Variants in ETFDH observed in about 807,000 individuals in gnomAD.
The protein encoded by ETFDH is electron transfer flavoprotein-ubiquinone oxidoreductase, mitochondrial.
In ETFDH, 61 loss-of-function variants were observed where a neutral mutation model predicts 73.2. The ratio of observed to expected loss-of-function variants is 0.83; its 90% CI spans 0.68 to 1.03. The LOEUF (loss-of-function observed/expected upper bound fraction) is 1.03. Ranked by LOEUF, ETFDH falls within the 50% of genes least tolerant of loss-of-function variation. The probability of loss-of-function intolerance (pLI) is 0.00; values close to 1 mark genes in which losing one functional copy is unlikely to be tolerated. For synonymous variants in ETFDH, 243 were observed against 253.3 expected, an observed-to-expected ratio of 0.96 and a Z score of 0.39; for missense variants, 685 against 745.0, an observed-to-expected ratio of 0.92 and a Z score of 0.94.
chr4:158,681,450 TAA>T (rs1245631796), intron 2 of ETFDH: 2 of 152,272 alleles, frequency 1.3e-5, no homozygotes, highest in Non-Finnish European at 2.9e-5. Context: ...TACTGTAAGC[TAA>T]GTTTAATTTA....
At chr4:158,697,171 C>T (rs1474971792) in intron 7 of ETFDH, among the ~76,000 whole-genome samples, 6 of 151,894 alleles carry the variant, frequency 4.0e-5, no homozygotes, top group East Asian at 1.9e-4. Context: ...CTTGGCTCAC[C>T]GCAACTTCTG....
chr4:158,707,659 T>C (rs1774664605), intron 12 of ETFDH, among the ~76,000 whole-genome samples: 1 of 152,126 alleles, frequency 6.6e-6, no homozygotes. Context: ...AGTTATCAGA[T>C]TTACTGTCAC....
intron 5 of ETFDH, among the ~76,000 whole-genome samples, chr4:158,689,971 C>A (rs72693393): frequency 6.6e-6 from 1 of 152,038 alleles, no homozygotes; most frequent in Non-Finnish European, 1.5e-5. Flanking sequence ...GCTTTCCTGA[C>A]AGTTTCTCTC....
At chr4:158,673,525 C>A (rs546419348) in intron 1 of ETFDH, among the ~76,000 whole-genome samples, 1 of 152,228 alleles carries the variant, frequency 6.6e-6, no homozygotes, top group Non-Finnish European at 1.5e-5. Context: ...GTGATAGAAT[C>A]ATTAAGTCTA....
intron 1 of ETFDH, among the ~76,000 whole-genome samples, chr4:158,673,020 A>G (rs925025874): frequency 3.3e-5 from 5 of 152,130 alleles, no homozygotes; most frequent in African/African-American, 1.2e-4. Flanking sequence ...TCTAAAATTA[A>G]GGGCTGGGCG....
In ETFDH at chr4:158,680,553, C is replaced by T. The variant is rs773668457; in HGVS notation, c.121C>T (p.Arg41Ter). The T allele has an allele frequency of 8.7e-6, 14 of 1,607,216 alleles. No homozygotes were observed. Among genetic ancestry groups the T allele is most frequent in the Non-Finnish European group, 1.1e-5 (13 of 1,173,982 alleles). ...ATGGTCTTCAACTTCTACTGTGCCT[C>T]GAATTACTACCCATTATACTATTTA... ...TRWSSTSTVPRITTHYTIYPR... is the reference protein window; with the variant it reads ...TRWSSTSTVP The change falls in exon 2 of 13, where the codon CGA becomes TGA. Residue 41 changes from arginine to a stop codon, truncating the protein, a stop_gained. Transcript: ENST00000511912. LOFTEE classifies it high-confidence loss of function.
rs1378423989 is a variant in ETFDH, at chr4:158,695,503, T to G, written c.691T>G (p.Phe231Val). ...IQKDGAPKATFERGLELHAKV... is the reference protein window; with the variant it reads ...IQKDGAPKATVERGLELHAKV... ...ACATGTTTTTGCTTTTCAGGCAACA[T>G]TTGAGAGAGGACTGGAACTACATGC... is the stretch of plus-strand genomic sequence containing the variant. The change falls in exon 7 of 13, where the codon TTT (phenylalanine) becomes GTT (valine). Residue 231 changes from phenylalanine (F) to valine (V), a missense_variant. Physicochemically the swap from Phe to Val is conservative, Grantham distance 50 (BLOSUM62 -1). Transcript: ENST00000511912. 7.4e-6 allele frequency: 12 copies of G among 1,612,670 alleles called. No individual in the cohort carries two copies. Among genetic ancestry groups the G allele is most frequent in the Non-Finnish European group, 1.0e-5 (12 of 1,178,940 alleles).
chr4:158,690,334 T>C lies in ETFDH; in HGVS notation c.607-14T>C. The C allele has an allele frequency of 6.7e-7, 1 of 1,494,886 alleles. No homozygotes were observed. Among genetic ancestry groups the C allele is most frequent in the African/African-American group, 1.4e-5 (1 of 72,638 alleles). 92.6% of individuals were successfully genotyped at this position (1,494,886 alleles called of 1,614,324 possible). ...TTCTAAGGTATTAATAAATTTGTTT[T>C]TTATCATTTTTAGGTCCTTTTTCAT... On this transcript the variant is annotated splice_polypyrimidine_tract_variant and intron_variant, in intron 5 of 12. Transcript: ENST00000511912.
intron 1 of ETFDH, among the ~76,000 whole-genome samples, 185 bp from the exon 2 acceptor site, chr4:158,680,282 G>C (rs1463015091): frequency 6.6e-6 from 1 of 151,798 alleles, no homozygotes; most frequent in South Asian, 2.1e-4. Flanking sequence ...TTGCTTATTA[G>C]TTTTAAAATA....
chr4:158,696,902 C>A (rs377239510), intron 7 of ETFDH, among the ~76,000 whole-genome samples: 1 of 152,184 alleles, frequency 6.6e-6, no homozygotes, highest in Non-Finnish European at 1.5e-5. Flanking sequence ...TACCGCAGAA[C>A]TTTCCCTCAG....
At chr4:158,690,750 T>G (rs1322265976) in intron 6 of ETFDH, among the ~76,000 whole-genome samples, 2 of 152,116 alleles carry the variant, frequency 1.3e-5, no homozygotes, top group East Asian at 3.8e-4. Flanking sequence ...GTACATTAAT[T>G]ATATGGGTGT....
intron 7 of ETFDH, among the ~76,000 whole-genome samples, chr4:158,695,968 TC>T (rs1014143756): frequency 1.1e-4 from 16 of 152,172 alleles, no homozygotes; most frequent in African/African-American, 3.9e-4. Context: ...GTTCTTGTTA[TC>T]CATATGCTGT....
chr4:158,695,353 A>G, intron 6 of ETFDH, 144 bp from the exon 7 acceptor site: 2 of 578,182 alleles, frequency 3.5e-6, no homozygotes, highest in Non-Finnish European at 6.0e-6. Flanking sequence ...TATATATTAT[A>G]TATTTACTAT....
At chr4:158,674,499 C>T (rs1773665513) in intron 1 of ETFDH, among the ~76,000 whole-genome samples, 1 of 152,064 alleles carries the variant, frequency 6.6e-6, no homozygotes, top group African/African-American at 2.4e-5. Flanking sequence ...CGGGGTTTTG[C>T]CATGTTGGCC....
rs1165866276 is a variant in ETFDH at position 158,672,410 on chromosome 4, G to T, written c.-47G>T. 2.5e-6 allele frequency: 4 copies of T among 1,611,072 alleles called. No individual in the cohort carries two copies. The highest frequency in any genetic ancestry group is 8.5e-7 in the Non-Finnish European group (1 of 1,177,294). On this transcript the variant is annotated 5_prime_UTR_variant, in exon 1 of 13. Transcript: ENST00000511912. The stretch of plus-strand genomic sequence containing the variant: ...GGTCCAGCGCCCGCCGCGAGCAGCG[G>T]ACAGTCCTCCTGTTGTGTCCGACCG...
In ETFDH at chr4:158,706,961, A is replaced by G. The variant is rs1227118608; in HGVS notation, c.1690+111A>G. On this transcript the variant is annotated intron_variant, in intron 12 of 12. Coordinates refer to ENST00000511912, the MANE Select transcript of ETFDH (RefSeq NM_004453.4). ...TCCTTCCATTCCTTAGAAATTGTAA[A>G]TGACTTCATCCAGCTTCCTTTAGGA... The G allele has an allele frequency of 1.2e-5, 9 of 735,840 alleles. No homozygotes were observed. The Admixed American group carries it at 1.7e-4, about 14-fold the overall frequency. 45.6% of individuals were successfully genotyped at this position (735,840 alleles called of 1,614,324 possible).
At position 158,697,709 on chromosome 4, in the gene ETFDH, A is replaced by G. The variant is rs745409764; in HGVS notation, c.972+10A>G. 1.9e-6 allele frequency: 3 copies of G among 1,611,634 alleles called. No homozygotes were observed. Among genetic ancestry groups the G allele is most frequent in the Non-Finnish European group, 1.7e-6 (2 of 1,177,730 alleles). The stretch of plus-strand genomic sequence containing the variant: ...AGCTCTTGGTCTTGTGGTAAGTTAT[A>G]TTCCCATTAGGGAAAATTCTGCTGC... On this transcript the variant is annotated intron_variant, in intron 8 of 12. Transcript: ENST00000511912.
intron 1 of ETFDH, among the ~76,000 whole-genome samples, chr4:158,674,020 A>G (rs1773651756): frequency 6.6e-6 from 1 of 152,196 alleles, no homozygotes. Flanking sequence ...CTTTGGAGAA[A>G]TTCAGACTAC....
intron 1 of ETFDH, among the ~76,000 whole-genome samples, chr4:158,677,273 A>T (rs1026037108): frequency 2.6e-5 from 4 of 152,334 alleles, no homozygotes; most frequent in African/African-American, 9.6e-5. Flanking sequence ...TTACAGCTTG[A>T]TTTTATACAT....
Sources: allele counts gnomAD v4.1 joint callset (sites outside exome capture counted in the v4.1 genomes callset), GRCh38; gene constraint gnomAD v4.1.1; transcripts MANE v1.5; gene names NCBI Gene and HGNC (gene_info 2026-07-23, HGNC 2026-07-21).